The following C2orf66 variants were observed in gnomAD, a reference collection of about 807,000 sequenced individuals.
The protein encoded by C2orf66 is chromosome 2 open reading frame 66.
A neutral mutation model predicts 7.0 loss-of-function variants in C2orf66; 6 were observed. That is an observed-to-expected ratio of 0.86 (90% CI 0.47 to 1.69). The LOEUF is 1.69. Ranked by LOEUF, C2orf66 falls within the 40% of genes most tolerant of loss-of-function variation. The probability of loss-of-function intolerance (pLI) is 0.01; values close to 1 mark genes in which losing one functional copy is unlikely to be tolerated. For synonymous variants in C2orf66, 38 were observed against 43.8 expected, an observed-to-expected ratio of 0.87 and a Z score of 0.52; for missense variants, 107 against 112.0, an observed-to-expected ratio of 0.96 and a Z score of 0.20.
In C2orf66 at chr2:196,809,300, G is replaced by A. The variant is rs763262562; in HGVS notation, c.37C>T (p.Leu13=). 4.3e-6 allele frequency: 7 copies of A among 1,613,946 alleles called. No individual in the cohort carries two copies. Among genetic ancestry groups the A allele is most frequent in the African/African-American group, 1.3e-5 (1 of 74,890 alleles). The change falls in exon 1 of 3, where the codon CTG becomes TTG. Residue 13 remains leucine (L), a synonymous_variant. Coordinates refer to ENST00000342506, the MANE Select transcript of C2orf66 (RefSeq NM_213608.3). ...CCATTCACATGCCCAAGCAGCACCAGGGCAACACATAGTAGCAGGAGAGGT... is the reference window on the plus strand; with the variant it reads ...CCATTCACATGCCCAAGCAGCACCAAGGCAACACATAGTAGCAGGAGAGGT... The part of the protein sequence containing the change: ...RAPLLLLCVA[L]VLLGHVNGAT...
chr2:196,824,561 A>G, the C2orf66 span, among the ~76,000 whole-genome samples: 43 of 152,308 alleles, frequency 2.8e-4, no homozygotes, highest in Non-Finnish European at 5.0e-4. Context: ...GTCTCACTGG[A>G]ACAATAAACT....
At chr2:196,809,403 G>GC, upstream of C2orf66, 1 of 1,597,374 alleles carries the variant, frequency 6.3e-7, no homozygotes, top group Non-Finnish European at 8.6e-7. Context: ...GAGATAGTCA[G>GC]GGAAGAGAGA....
the C2orf66 span, among the ~76,000 whole-genome samples, chr2:196,815,314 C>T: frequency 6.6e-6 from 1 of 152,054 alleles, no homozygotes; most frequent in Non-Finnish European, 1.5e-5. Context: ...GAAGGTACTA[C>T]TGATAAAGTT....
At chr2:196,827,487 A>C in the C2orf66 span, among the ~76,000 whole-genome samples, 1 of 152,016 alleles carries the variant, frequency 6.6e-6, no homozygotes, top group East Asian at 1.9e-4. Flanking sequence ...CCTCCACCCC[A>C]ATCCTGTACA....
At chr2:196,809,607 T>C (rs1576049598), upstream of C2orf66, 5 of 352,022 alleles carry the variant, frequency 1.4e-5, no homozygotes, top group Non-Finnish European at 2.4e-5. Context: ...GAACATAACA[T>C]AGAAAGTCTG....
At chr2:196,811,050 C>A (rs549990898), upstream of C2orf66, among the ~76,000 whole-genome samples, 332 of 152,274 alleles carry the variant, frequency 2.2e-3, 2 homozygotes, top group Non-Finnish European at 3.5e-3. Flanking sequence ...TACATCCAGT[C>A]AACTGAATAG....
chr2:196,819,567 G>T, the C2orf66 span, among the ~76,000 whole-genome samples: 1 of 152,170 alleles, frequency 6.6e-6, no homozygotes, highest in Non-Finnish European at 1.5e-5. Flanking sequence ...TGTTACAGCA[G>T]CCCAAACTAA....
chr2:196,831,309 G>C, the C2orf66 span, among the ~76,000 whole-genome samples: 2 of 152,030 alleles, frequency 1.3e-5, no homozygotes, highest in African/African-American at 4.8e-5. Flanking sequence ...CCTTCGAAAA[G>C]GCCCAACCAC....
chr2:196,827,316 A>C, the C2orf66 span, among the ~76,000 whole-genome samples: 1 of 152,114 alleles, frequency 6.6e-6, no homozygotes, highest in African/African-American at 2.4e-5. Flanking sequence ...TTGTTGGAAC[A>C]AAGAATTTAA....
the C2orf66 span, among the ~76,000 whole-genome samples, chr2:196,815,094 A>G: frequency 6.6e-6 from 1 of 152,052 alleles, no homozygotes; most frequent in Non-Finnish European, 1.5e-5. Flanking sequence ...CCTCCCGAGT[A>G]GCTAGGACTA....
chr2:196,809,090 GGAGAATTTT>G, intron 1 of C2orf66, 115 bp downstream of exon 1: 1 of 1,026,264 alleles, frequency 9.7e-7, no homozygotes, highest in South Asian at 1.9e-5. Context: ...CAATCCTGTT[GGAGAATTTT>G]CTCAACCCTT....
chr2:196,819,945 A>G, the C2orf66 span, among the ~76,000 whole-genome samples: 3 of 152,168 alleles, frequency 2.0e-5, no homozygotes, highest in Non-Finnish European at 4.4e-5. Flanking sequence ...TTAATATTTG[A>G]TCTATCTCTT....
upstream of C2orf66, among the ~76,000 whole-genome samples, chr2:196,810,527 C>G (rs555640245): frequency 3.3e-5 from 5 of 152,296 alleles, no homozygotes; most frequent in African/African-American, 1.2e-4. Context: ...ATTACTATAC[C>G]TACAACATTC....
At chr2:196,807,764 T>A (rs1415960078) in intron 1 of C2orf66, 142 bp from the exon 2 acceptor site, 2 of 637,264 alleles carry the variant, frequency 3.1e-6, no homozygotes, top group Non-Finnish European at 5.3e-6. Flanking sequence ...GAAATACAAG[T>A]ACATGCTTCA....
chr2:196,826,317 T>C, the C2orf66 span, among the ~76,000 whole-genome samples: 1 of 152,220 alleles, frequency 6.6e-6, no homozygotes, highest in African/African-American at 2.4e-5. Flanking sequence ...AAAAATATAT[T>C]GTCTTCATTA....
chr2:196,831,013 C>T, the C2orf66 span, among the ~76,000 whole-genome samples: 12 of 152,092 alleles, frequency 7.9e-5, no homozygotes, highest in Non-Finnish European at 1.5e-4. Flanking sequence ...AAACTTAGGC[C>T]AAAAGACCAA....
the C2orf66 span, among the ~76,000 whole-genome samples, chr2:196,825,702 G>A: frequency 7.9e-5 from 12 of 152,270 alleles, no homozygotes; most frequent in South Asian, 1.5e-3. Context: ...ACAGCACATC[G>A]GGATGTAGGA....
chr2:196,821,928 CTTTTTTTTTTTTTTTT>C, the C2orf66 span, among the ~76,000 whole-genome samples: 24 of 32,250 alleles, frequency 7.4e-4, no homozygotes, highest in Non-Finnish European at 1.1e-3. Context: ...AACCAGTGAG[CTTTTTTTTTTTTTTTT>C]TTTTTTTTTT....
chr2:196,814,171 C>A (rs1364334183), upstream of C2orf66, among the ~76,000 whole-genome samples: 1 of 152,110 alleles, frequency 6.6e-6, no homozygotes, highest in Admixed American at 6.5e-5. Context: ...TGGAACCAAC[C>A]CAAATGTCCA....
Sources: gnomAD v4.1 joint callset for allele counts (sites outside exome capture counted in the v4.1 genomes callset) on GRCh38, gnomAD v4.1.1 for gene constraint, MANE v1.5 for transcripts, NCBI Gene and HGNC (gene_info 2026-07-23, HGNC 2026-07-21) for gene names.